DYNLT5: variants seen among roughly 807,000 people sequenced by gnomAD.
The protein encoded by DYNLT5 is dynein light chain Tctex-type family member 5.
DYNLT5 carries 25 observed loss-of-function variants against 19.3 expected under a neutral mutation model. The observed-to-expected ratio is 1.30, with a 90% CI of 0.95 to 1.81. The LOEUF is 1.81. Among genes scored for constraint, DYNLT5 ranks in the 40% most tolerant of loss-of-function variants. DYNLT5 has a pLI of 0.00. For missense variants in DYNLT5, 232 were observed against 217.9 expected (o/e 1.06, Z -0.41); for synonymous variants, 82 against 68.9 (o/e 1.19, Z -0.94).
chr1:66,758,558 G>C (rs1028025928), intron 2 of DYNLT5, among the ~76,000 whole-genome samples: 9 of 152,134 alleles, frequency 5.9e-5, no homozygotes, highest in African/African-American at 2.2e-4. Flanking sequence ...CCCACTGATG[G>C]CATCTAACAT....
At chr1:66,761,055 C>T (rs943461872) in intron 2 of DYNLT5, among the ~76,000 whole-genome samples, 9 of 152,214 alleles carry the variant, frequency 5.9e-5, no homozygotes, top group African/African-American at 2.2e-4. Context: ...CTGCCTCTTT[C>T]ATTTTTGAAA....
intron 2 of DYNLT5, among the ~76,000 whole-genome samples, chr1:66,755,314 G>T (rs912846604): frequency 6.6e-6 from 1 of 151,808 alleles, no homozygotes; most frequent in African/African-American, 2.4e-5. Flanking sequence ...TCTGTGCTTG[G>T]TCATTTCCCA....
chr1:66,776,547 A>T, intron 4 of DYNLT5, 144 bp downstream of exon 4: 2 of 742,582 alleles, frequency 2.7e-6, no homozygotes, highest in East Asian at 7.5e-5. Flanking sequence ...TTCTACATAT[A>T]TGTGTGTGTG....
chr1:66,776,396 T>C lies in DYNLT5; in HGVS notation c.329T>C (p.Ile110Thr). 1 of 1,598,622 alleles carries C rather than the reference T, an allele frequency of 6.3e-7. No homozygotes were observed. The highest frequency in any genetic ancestry group is 8.5e-7 in the Non-Finnish European group (1 of 1,171,188). Residue 110 changes from isoleucine to threonine, a missense_variant, in exon 4 of 5, where the codon ATT becomes ACT. Ile to Thr is a moderately conservative substitution (Grantham distance 89). Coordinates refer to ENST00000282670, the MANE Select transcript of DYNLT5 (RefSeq NM_152665.3). ...PELCRQMTKT[I>T]SEVIKAQVKD... ...CTCTGTAGACAGATGACTAAAACCA[T>C]TTCTGAGGTACGTGTGTGATTTGCC...
chr1:66,761,692 T>A (rs566357411), intron 2 of DYNLT5, among the ~76,000 whole-genome samples: 1 of 152,096 alleles, frequency 6.6e-6, no homozygotes, highest in African/African-American at 2.4e-5. Flanking sequence ...GGCAGGAGGA[T>A]CCCTAAGCCT....
chr1:66,770,269 C>T (rs1290300861), intron 2 of DYNLT5, 118 bp from the exon 3 acceptor site: 2 of 692,116 alleles, frequency 2.9e-6, no homozygotes, highest in Non-Finnish European at 5.0e-6. Context: ...TTACATAAGA[C>T]TTACTTGAAA....
intron 4 of DYNLT5, 34 bp from the exon 5 acceptor site, chr1:66,777,217 T>C: frequency 1.3e-6 from 2 of 1,569,184 alleles, no homozygotes; most frequent in Non-Finnish European, 1.7e-6. Flanking sequence ...TCAATGTAGC[T>C]GAATGAAGAC....
intron 2 of DYNLT5, among the ~76,000 whole-genome samples, chr1:66,756,628 A>T (rs946108477): frequency 2.0e-5 from 3 of 152,352 alleles, no homozygotes; most frequent in East Asian, 3.9e-4. Flanking sequence ...CCCCGCATTA[A>T]TCCTACTAGG....
In DYNLT5 at chr1:66,777,430, T is replaced by C. The variant is rs1276606019; in HGVS notation, c.516T>C (p.Asn172=). The C allele has an allele frequency of 2.5e-6, 4 of 1,613,742 alleles. No homozygotes were observed. The highest frequency in any genetic ancestry group is 3.4e-6 in the Non-Finnish European group (4 of 1,179,816). Residue 172 remains asparagine (N), a synonymous_variant, in exon 5 of 5, where the codon AAT becomes AAC. Coordinates refer to ENST00000282670, the MANE Select transcript of DYNLT5 (RefSeq NM_152665.3). The part of the protein sequence containing the change: ...FRNSSLFALA[N]VYAVYLE The stretch of plus-strand genomic sequence containing the variant: ...ATTCTTCTCTCTTCGCTCTTGCAAA[T>C]GTCTATGCAGTTTACCTTGAGTGAT...
intron 2 of DYNLT5, among the ~76,000 whole-genome samples, chr1:66,757,101 T>A (rs1032810608): frequency 6.6e-6 from 1 of 152,268 alleles, no homozygotes; most frequent in Non-Finnish European, 1.5e-5. Context: ...TTTGCTTGTC[T>A]ATCTCTTTCA....
At position 66,777,521 on chromosome 1, in the gene DYNLT5, AG is replaced by A. The variant is rs1332963082; in HGVS notation, c.*68del. 3.3e-5 allele frequency: 46 copies of A among 1,407,078 alleles called. No homozygotes were observed. Among genetic ancestry groups the A allele is most frequent in the Non-Finnish European group, 4.3e-5 (45 of 1,036,618 alleles). The allele number at this position is 1,407,078 out of a possible 1,614,324, so 87.2% of individuals were successfully genotyped here. A position where few individuals can be genotyped will look rare whatever the true frequency, so the allele number is the denominator to read the frequency against. On this transcript the variant is annotated 3_prime_UTR_variant, in exon 5 of 5. Coordinates refer to ENST00000282670, the MANE Select transcript of DYNLT5 (RefSeq NM_152665.3). ...GGCAGGCTGTATGTCTGTACACAAA[AG>A]TTTTACTGCCAAAAACTTTGAGAAA...
intron 1 of DYNLT5, among the ~76,000 whole-genome samples, chr1:66,754,214 T>C (rs1282676579): frequency 3.9e-5 from 6 of 152,220 alleles, no homozygotes; most frequent in African/African-American, 1.4e-4. Flanking sequence ...CACTCCAACC[T>C]GGGTGACAGA....
At chr1:66,765,953 G>T (rs994016158) in intron 2 of DYNLT5, among the ~76,000 whole-genome samples, 2 of 152,148 alleles carry the variant, frequency 1.3e-5, no homozygotes, top group Admixed American at 6.5e-5. Flanking sequence ...TCTGTCCTCA[G>T]CAATAGCACA....
At chr1:66,773,193 G>A (rs1270858952) in intron 3 of DYNLT5, among the ~76,000 whole-genome samples, 14 of 152,300 alleles carry the variant, frequency 9.2e-5, no homozygotes, top group African/African-American at 3.4e-4. Context: ...GCACCTGGTT[G>A]TTTGCAAACA....
chr1:66,776,797 C>T (rs1645238553), intron 4 of DYNLT5, among the ~76,000 whole-genome samples: 1 of 152,142 alleles, frequency 6.6e-6, no homozygotes, highest in African/African-American at 2.4e-5. Context: ...CAGGGCTGCA[C>T]TTCATCAAGG....
intron 2 of DYNLT5, among the ~76,000 whole-genome samples, chr1:66,767,953 G>A (rs887511600): frequency 5.3e-5 from 8 of 152,190 alleles, no homozygotes; most frequent in African/African-American, 1.9e-4. Flanking sequence ...AAGAGACTGA[G>A]AATTTGTCTT....
intron 2 of DYNLT5, among the ~76,000 whole-genome samples, chr1:66,762,176 T>C (rs1419273008): frequency 2.0e-5 from 3 of 152,236 alleles, no homozygotes; most frequent in Non-Finnish European, 2.9e-5. Context: ...TTATGTTTTT[T>C]ATTGAAAATT....
intron 3 of DYNLT5, among the ~76,000 whole-genome samples, chr1:66,774,408 T>A (rs76878197): frequency 2.6e-5 from 4 of 151,694 alleles, no homozygotes; most frequent in South Asian, 2.1e-4. Flanking sequence ...AAGAACCACT[T>A]TCTAGATTCA....
At position 66,778,526 on chromosome 1, in the gene DYNLT5, A is replaced by G; in HGVS notation, c.*1072A>G. ...GGCGTTGTTCTTGGATGGTAAGTGG[A>G]CTGCCTAGAGGACATTTGTTAAAGG... On this transcript the variant is annotated 3_prime_UTR_variant, in exon 5 of 5. Coordinates refer to ENST00000282670, the MANE Select transcript of DYNLT5 (RefSeq NM_152665.3). The G allele has an allele frequency of 6.6e-6, 1 of 152,644 alleles. No individual in the cohort carries two copies. Among genetic ancestry groups the G allele is most frequent in the East Asian group, 1.9e-4 (1 of 5,204 alleles). The allele number at this position is 152,644 out of a possible 1,614,324, so 9.5% of individuals were successfully genotyped here.
Sources: allele counts gnomAD v4.1 joint callset (sites outside exome capture counted in the v4.1 genomes callset), GRCh38; gene constraint gnomAD v4.1.1; transcripts MANE v1.5; gene names NCBI Gene and HGNC (gene_info 2026-07-23, HGNC 2026-07-21).